The following XXYLT1 variants were observed in gnomAD, a reference collection of about 807,000 sequenced individuals.
XXYLT1 encodes the protein UDP-xylose:alpha-xyloside alpha-1,3-xylosyltransferase.
A neutral mutation model predicts 28.9 loss-of-function variants in XXYLT1; 20 were observed. That is an observed-to-expected ratio of 0.69 (90% confidence interval 0.49 to 1.00). The LOEUF (loss-of-function observed/expected upper bound fraction) is 1.00, where lower values mean the gene tolerates loss of function less well. Among genes scored for constraint, XXYLT1 ranks in the 50% least tolerant of loss-of-function variants. The pLI is 0.00. For synonymous variants in XXYLT1, 257 were observed against 253.8 expected (o/e 1.01, Z -0.12); for missense variants, 542 against 560.1 (o/e 0.97, Z 0.33).
intron 1 of XXYLT1, among the ~76,000 whole-genome samples, chr3:195,249,437 A>G (rs1222679426): frequency 6.6e-6 from 1 of 152,216 alleles, no homozygotes; most frequent in Admixed American, 6.5e-5. Flanking sequence ...TGACAGGCAC[A>G]TGGCACACTG....
At chr3:195,214,445 AC>A (rs370756901) in intron 2 of XXYLT1, among the ~76,000 whole-genome samples, 211 of 150,376 alleles carry the variant, frequency 1.4e-3, no homozygotes, top group African/African-American at 4.8e-3. Flanking sequence ...ACCAGCCCCC[AC>A]CCCCGTCAAT....
At chr3:195,101,393 A>G (rs1046145392) in intron 3 of XXYLT1, among the ~76,000 whole-genome samples, 1 of 152,254 alleles carries the variant, frequency 6.6e-6, no homozygotes, top group East Asian at 1.9e-4. Flanking sequence ...GGGCATCATG[A>G]TGATGAAATG....
At position 195,260,336 on chromosome 3, in the gene XXYLT1, G is replaced by C. The variant is rs112481051; in HGVS notation, c.504+10219C>G. Among the ~76,000 whole-genome samples, 5 of 151,990 alleles carry C rather than the reference G, an allele frequency of 3.3e-5. No homozygotes were observed. The South Asian group carries it at 6.2e-4, about 19-fold the overall frequency. The stretch of plus-strand genomic sequence containing the variant: ...CGCCCGCGGCCCCTCCTCTCCAGAC[G>C]GGGGGCCCCGTGCTGACCGCAGCCG... On this transcript the variant is annotated intron_variant, in intron 1 of 3. Transcript: ENST00000310380.
Position 195,134,864 on chromosome 3 carries a change from TGTGTGC to T in XXYLT1, c.785+21579_785+21584del, listed in dbSNP as rs1161896415. On this transcript the variant is annotated intron_variant, in intron 3 of 3. Transcript: ENST00000310380. ...GTGTGTGTGTGTGTGTGTGTGTGTG[TGTGTGC>T]GTGTGCGCGCGTGCGCGCACGTGCA... Among the ~76,000 whole-genome samples the T allele has an allele frequency of 9.9e-4, 92 of 93,162 alleles. 1 individual carries two copies. The highest frequency in any genetic ancestry group is 4.9e-3 in the East Asian group (5 of 1,028). The allele number at this position is 93,162 out of a possible 152,430, so 61.1% of individuals were successfully genotyped here.
chr3:195,138,421 G>C (rs572424831), intron 3 of XXYLT1, among the ~76,000 whole-genome samples: 2 of 152,280 alleles, frequency 1.3e-5, no homozygotes, highest in African/African-American at 4.8e-5. Flanking sequence ...GCCTTGCAGA[G>C]GGAGACACGC....
At chr3:195,203,519 G>C (rs562315553) in intron 2 of XXYLT1, among the ~76,000 whole-genome samples, 1 of 152,246 alleles carries the variant, frequency 6.6e-6, no homozygotes, top group African/African-American at 2.4e-5. Flanking sequence ...GAAGGAACAT[G>C]CAGGCACCAG....
chr3:195,141,331 T>C (rs1210565981), intron 3 of XXYLT1, among the ~76,000 whole-genome samples: 2 of 152,234 alleles, frequency 1.3e-5, no homozygotes, highest in African/African-American at 2.4e-5. Context: ...AGATACACTG[T>C]GTTACGTGGC....
intron 2 of XXYLT1, among the ~76,000 whole-genome samples, chr3:195,164,155 G>A (rs1181608786): frequency 6.6e-6 from 1 of 152,256 alleles, no homozygotes; most frequent in East Asian, 1.9e-4. Flanking sequence ...CAGAAGGCAA[G>A]AAGTAACTAC....
At chr3:195,143,944 G>A (rs1719695243) in intron 3 of XXYLT1, among the ~76,000 whole-genome samples, 1 of 144,498 alleles carries the variant, frequency 6.9e-6, no homozygotes, top group African/African-American at 2.5e-5. Context: ...CATCCAGGCT[G>A]GAGTGCAAGG....
In XXYLT1 at chr3:195,270,607, G is replaced by A; in HGVS notation, c.452C>T (p.Ala151Val). 1 of 1,470,578 alleles carries A rather than the reference G, an allele frequency of 6.8e-7. No individual in the cohort carries two copies. Among genetic ancestry groups the A allele is most frequent in the Non-Finnish European group, 9.0e-7 (1 of 1,110,762 alleles). 91.1% of individuals were successfully genotyped at this position (1,470,578 alleles called of 1,614,324 possible). A position where few individuals can be genotyped will look rare whatever the true frequency, so the allele number is the denominator to read the frequency against. Reference protein sequence around the residue: ...FVSEEASREVAKGLLRELLPP... With the variant: ...FVSEEASREVVKGLLRELLPP... ...CAGGAGCTCCCGCAGCAGGCCCTTG[G>A]CCACCTCGCGGCTGGCCTCCTCGCT... The change falls in exon 1 of 4, where the codon GCC (alanine) becomes GTC (valine). Residue 151 changes from alanine to valine, a missense_variant. Physicochemically the swap from Ala to Val is moderately conservative, Grantham distance 64 (BLOSUM62 0). Transcript: ENST00000310380.
intron 2 of XXYLT1, among the ~76,000 whole-genome samples, chr3:195,213,991 G>A (rs1373059783): frequency 6.6e-6 from 1 of 152,216 alleles, no homozygotes; most frequent in African/African-American, 2.4e-5. Context: ...GCCATCGCAG[G>A]TGGGAGATTC....
intron 3 of XXYLT1, among the ~76,000 whole-genome samples, chr3:195,136,325 C>G: frequency 6.6e-6 from 1 of 152,110 alleles, no homozygotes. Context: ...GCAACCCACC[C>G]CGGCCCAAAA....
intron 2 of XXYLT1, among the ~76,000 whole-genome samples, chr3:195,169,098 G>A (rs1248665642): frequency 2.0e-5 from 3 of 152,212 alleles, no homozygotes; most frequent in Non-Finnish European, 2.9e-5. Context: ...GCAGTAAGAC[G>A]GTGGCTGGGC....
intron 3 of XXYLT1, among the ~76,000 whole-genome samples, chr3:195,110,416 CTG>C (rs1717551717): frequency 2.3e-4 from 1 of 4,412 alleles, no homozygotes; most frequent in Non-Finnish European, 5.2e-4. Context: ...ATAAGTGCGT[CTG>C]TGGTGTATGT....
At position 195,248,102 on chromosome 3, in the gene XXYLT1, G is replaced by A. The variant is rs552300776; in HGVS notation, c.505-21246C>T. Among the ~76,000 whole-genome samples the A allele has an allele frequency of 1.2e-4, 19 of 152,258 alleles. No homozygotes were observed. In the South Asian group the frequency reaches 2.5e-3, roughly 20 times the overall value. ...TCACAAAGCCGCTCATCCAGTGCTCGCTGAGATTGGTACACACACATCCAG... is the reference window on the plus strand; with the variant it reads ...TCACAAAGCCGCTCATCCAGTGCTCACTGAGATTGGTACACACACATCCAG... On this transcript the variant is annotated intron_variant, in intron 1 of 3. Transcript: ENST00000310380.
rs1721674541 is a variant in XXYLT1, at chr3:195,176,540, T to G, written c.653-19959A>C. On this transcript the variant is annotated intron_variant, in intron 2 of 3. Transcript: ENST00000310380. This position sits in a 1 kb window ranked among gnomAD's most constrained non-coding sequence, Gnocchi z 4.9. ...TCTTGCTTGTGCGCCATCAGTACGT[T>G]CCACCCCTCTGACACACTGGTATAA... Among the ~76,000 whole-genome samples the G allele has an allele frequency of 6.6e-6, 1 of 152,218 alleles. No homozygotes were observed. Among genetic ancestry groups the G allele is most frequent in the Non-Finnish European group, 1.5e-5 (1 of 68,044 alleles).
chr3:195,114,941 G>A (rs911363144), intron 3 of XXYLT1, among the ~76,000 whole-genome samples: 2 of 152,216 alleles, frequency 1.3e-5, no homozygotes, highest in Non-Finnish European at 2.9e-5. Flanking sequence ...GTCGGCCTGG[G>A]CGCAGTCACT....
chr3:195,206,515 T>C (rs927459804), intron 2 of XXYLT1, among the ~76,000 whole-genome samples: 4 of 151,938 alleles, frequency 2.6e-5, no homozygotes, highest in African/African-American at 9.7e-5. Flanking sequence ...ACACCTGCAA[T>C]CCCAGCACTT....
chr3:195,197,222 A>G (rs1182912234), intron 2 of XXYLT1, among the ~76,000 whole-genome samples: 1 of 152,224 alleles, frequency 6.6e-6, no homozygotes, highest in African/African-American at 2.4e-5. Flanking sequence ...GGATCACCTG[A>G]GATCAGGAGT....
Sources: gnomAD v4.1 joint callset for allele counts (sites outside exome capture counted in the v4.1 genomes callset) on GRCh38, gnomAD v4.1.1 for gene constraint, Gnocchi (gnomAD v3.1) non-coding constraint, MANE v1.5 for transcripts, NCBI Gene and HGNC (gene_info 2026-07-23, HGNC 2026-07-21) for gene names.